Variants in RGS6 observed in about 807,000 individuals in gnomAD.
RGS6 encodes the protein regulator of G-protein signaling 6.
In RGS6, 30 loss-of-function variants were observed where a neutral mutation model predicts 78.5. That is an observed-to-expected ratio of 0.38 (90% CI 0.29 to 0.52). The LOEUF (loss-of-function observed/expected upper bound fraction) is 0.52, where lower values mean the gene tolerates loss of function less well. Ranked by LOEUF, RGS6 falls within the 20% of genes least tolerant of loss-of-function variation. RGS6 has a pLI of 0.85. For missense variants in RGS6, 495 were observed against 609.7 expected (o/e 0.81, Z 1.98); for synonymous variants, 206 against 206.0 (o/e 1.00, Z 0.00).
chr14:72,390,201 G>T (rs946409794), intron 3 of RGS6, among the ~76,000 whole-genome samples: 1 of 151,264 alleles, frequency 6.6e-6, no homozygotes, highest in Non-Finnish European at 1.5e-5. Flanking sequence ...GGGTTGAAGC[G>T]ATTTTCCTGT....
At chr14:72,353,982 T>TGAA in intron 3 of RGS6, among the ~76,000 whole-genome samples, 1 of 148,668 alleles carries the variant, frequency 6.7e-6, no homozygotes, top group Admixed American at 6.7e-5. Flanking sequence ...AGACTCTGTC[T>TGAA]CAGCAACAAC....
intron 2 of RGS6, among the ~76,000 whole-genome samples, chr14:72,015,583 A>G (rs1259243636): frequency 1.3e-5 from 2 of 152,212 alleles, no homozygotes; most frequent in Non-Finnish European, 2.9e-5. Context: ...CTATCTAGAA[A>G]TATGTACTAG....
the RGS6 span, among the ~76,000 whole-genome samples, chr14:71,915,093 A>T: frequency 6.6e-6 from 1 of 150,524 alleles, no homozygotes; most frequent in Non-Finnish European, 1.5e-5. Context: ...AGTAAACATA[A>T]CAAAAAAAAA....
At chr14:72,196,175 C>T (rs958935476) in intron 2 of RGS6, among the ~76,000 whole-genome samples, 6 of 151,982 alleles carry the variant, frequency 3.9e-5, no homozygotes, top group African/African-American at 9.7e-5. Flanking sequence ...GCCTCTGGTA[C>T]GTGATTGTGG....
chr14:72,214,181 T>TA (rs1282544723), intron 2 of RGS6, among the ~76,000 whole-genome samples: 8 of 149,070 alleles, frequency 5.4e-5, no homozygotes, highest in Admixed American at 1.3e-4. Flanking sequence ...TTTCTTATTT[T>TA]TTTTTTTTTT....
the RGS6 span, among the ~76,000 whole-genome samples, chr14:72,616,880 C>T: frequency 6.6e-6 from 1 of 152,208 alleles, no homozygotes; most frequent in African/African-American, 2.4e-5. Flanking sequence ...AGTACCCTGA[C>T]AGTGCCAGCC....
chr14:72,562,421 A>G lies in RGS6; in HGVS notation c.1427A>G (p.Lys476Arg), dbSNP rs1599224635. The G allele has an allele frequency of 6.2e-7, 1 of 1,612,880 alleles. No individual in the cohort carries two copies. Among genetic ancestry groups the G allele is most frequent in the Non-Finnish European group, 8.5e-7 (1 of 1,180,034 alleles). Reference protein sequence around the residue: ...SLEKFTRSVGKSLAGKRLTGL... With the variant: ...SLEKFTRSVGRSLAGKRLTGL... ...TCTGTCGCTGTCTCTCTGCAGGGAA[A>G]GTCGCTGGCGGGCAAGCGCCTCACG... is the stretch of plus-strand genomic sequence containing the variant. The change falls in exon 18 of 18, where the codon AAG (lysine) becomes AGG (arginine). Residue 476 changes from lysine (K) to arginine (R), a missense_variant. By Grantham distance (26) the Lys-to-Arg change is conservative. Transcript: ENST00000553525.
At chr14:72,241,217 GA>G (rs1375923759) in intron 2 of RGS6, among the ~76,000 whole-genome samples, 1 of 148,514 alleles carries the variant, frequency 6.7e-6, no homozygotes, top group Non-Finnish European at 1.5e-5. Flanking sequence ...AGAAGGAAAA[GA>G]AAAAAAGCCT....
chr14:72,060,267 A>G (rs369775768), intron 2 of RGS6, among the ~76,000 whole-genome samples: 3 of 152,122 alleles, frequency 2.0e-5, no homozygotes. Context: ...TTTGTATGTT[A>G]TATAAATAAT....
intron 3 of RGS6, among the ~76,000 whole-genome samples, chr14:72,371,887 C>T (rs2152838348): frequency 6.6e-6 from 1 of 152,290 alleles, no homozygotes; most frequent in African/African-American, 2.4e-5. Flanking sequence ...AACTGGGAAA[C>T]TGCAGTGGAC....
chr14:72,517,489 GC>G (rs1331162126), intron 14 of RGS6, among the ~76,000 whole-genome samples: 3 of 103,344 alleles, frequency 2.9e-5, no homozygotes, highest in South Asian at 4.1e-4. Flanking sequence ...CTGCTCCCAT[GC>G]GGATGCTGAG....
intron 2 of RGS6, among the ~76,000 whole-genome samples, chr14:72,071,890 T>C (rs868197742): frequency 1.3e-5 from 2 of 152,260 alleles, no homozygotes; most frequent in Non-Finnish European, 2.9e-5. Flanking sequence ...CTCTGTGTTA[T>C]AGGCCACATC....
At chr14:72,557,405 T>C (rs1028471256) in intron 17 of RGS6, among the ~76,000 whole-genome samples, 1 of 152,178 alleles carries the variant, frequency 6.6e-6, no homozygotes, top group South Asian at 2.1e-4. Context: ...CTTTGCTCAG[T>C]GGAGAAGGAG....
chr14:72,002,163 A>G (rs1350917176), intron 2 of RGS6, among the ~76,000 whole-genome samples: 1 of 152,090 alleles, frequency 6.6e-6, no homozygotes, highest in Non-Finnish European at 1.5e-5. Flanking sequence ...TGCTGGGATT[A>G]CAGACGTGAG....
At chr14:72,457,322 C>A (rs752090308) in intron 4 of RGS6, among the ~76,000 whole-genome samples, 9 of 152,192 alleles carry the variant, frequency 5.9e-5, no homozygotes, top group Non-Finnish European at 1.3e-4. Context: ...TAGAGGCTCC[C>A]TGAGCACATT....
the RGS6 span, among the ~76,000 whole-genome samples, chr14:72,585,434 G>T: frequency 6.6e-6 from 1 of 152,202 alleles, no homozygotes; most frequent in East Asian, 1.9e-4. Flanking sequence ...TGGAAGGGAA[G>T]GGAAAAAAGC....
At chr14:71,916,629 C>A in the RGS6 span, among the ~76,000 whole-genome samples, 2 of 152,100 alleles carry the variant, frequency 1.3e-5, no homozygotes, top group African/African-American at 4.8e-5. Context: ...CCGAGCCCGA[C>A]CCCATTCAGA....
At chr14:71,956,330 A>AGTGTGTGTGT (rs113351320) in intron 1 of RGS6, among the ~76,000 whole-genome samples, 25 of 74,356 alleles carry the variant, frequency 3.4e-4, no homozygotes, top group African/African-American at 1.5e-3. Context: ...CAGAACTAAT[A>AGTGTGTGTGT]GTGTGTGTGT....
chr14:72,465,092 A>G (rs2095867661), intron 6 of RGS6, among the ~76,000 whole-genome samples: 1 of 152,230 alleles, frequency 6.6e-6, no homozygotes, highest in African/African-American at 2.4e-5. Context: ...GACTTTCCTC[A>G]AAAAGGACAC....
Sources: gnomAD v4.1 joint callset for allele counts (sites outside exome capture counted in the v4.1 genomes callset) on GRCh38, gnomAD v4.1.1 for gene constraint, MANE v1.5 for transcripts, NCBI Gene and HGNC (gene_info 2026-07-23, HGNC 2026-07-21) for gene names.